Variants in ERO1A observed in about 807,000 individuals in gnomAD.
ERO1A encodes ERO1-like protein alpha.
Under a neutral mutation model 76.9 loss-of-function variants are expected in ERO1A, and 49 were observed. That is an observed-to-expected ratio of 0.64 (90% CI 0.51 to 0.81). The LOEUF (loss-of-function observed/expected upper bound fraction) is 0.81, where lower values mean the gene tolerates loss of function less well. Among genes scored for constraint, ERO1A ranks in the 30% least tolerant of loss-of-function variants. The pLI is 0.00. For synonymous variants in ERO1A, 174 were observed against 181.2 expected (o/e 0.96, Z 0.32); for missense variants, 448 against 542.1 (o/e 0.83, Z 1.72).
Position 52,683,791 on chromosome 14 carries a change from G to A in ERO1A, c.231C>T (p.Tyr77=). 7.2e-7 allele frequency: 1 copy of A among 1,386,994 alleles called. No homozygotes were observed. Among genetic ancestry groups the A allele is most frequent in the Non-Finnish European group, 9.8e-7 (1 of 1,018,916 alleles). The allele number at this position is 1,386,994 out of a possible 1,614,324, so 85.9% of individuals were successfully genotyped here. The change falls in exon 2 of 16, where the codon TAC becomes TAT. Residue 77 remains tyrosine (Y), a synonymous_variant. Transcript: ENST00000395686. ...AAAAAATTAAAATTAAAAATACCTTGTAATACCTAAAGTAGTCACTTTCAA... is the reference window on the plus strand; with the variant it reads ...AAAAAATTAAAATTAAAAATACCTTATAATACCTAAAGTAGTCACTTTCAA... ...KLLESDYFRY[Y]KVNLKRPCPF... is the part of the protein sequence containing the mutation.
intron 8 of ERO1A, among the ~76,000 whole-genome samples, chr14:52,662,302 T>C (rs2040257761): frequency 6.6e-6 from 1 of 152,210 alleles, no homozygotes; most frequent in African/African-American, 2.4e-5. Flanking sequence ...ATTAAATCAA[T>C]GGCTTCCACT....
In ERO1A at chr14:52,646,195, T is replaced by G. The variant is rs777575953; in HGVS notation, c.1305A>C (p.Leu435=). 6.2e-7 allele frequency: 1 copy of G among 1,613,588 alleles called. No homozygotes were observed. Among genetic ancestry groups the G allele is most frequent in the Non-Finnish European group, 8.5e-7 (1 of 1,179,690 alleles). The stretch of plus-strand genomic sequence containing the variant: ...ATAATGATACTATTTCTTGTCTGGT[T>G]AGATGGAATTCATAACTAGGTCCAC... ...PESGPSYEFH[L]TRQEIVSLFN... The change falls in exon 15 of 16, where the codon CTA becomes CTC. Residue 435 remains leucine, a synonymous_variant. Transcript: ENST00000395686.
At chr14:52,646,565 G>A in intron 13 of ERO1A, 104 bp from the exon 14 acceptor site, 1 of 785,532 alleles carries the variant, frequency 1.3e-6, no homozygotes. Context: ...AGGTACTATG[G>A]GGTACCAAAA....
In ERO1A at chr14:52,695,529, C is replaced by A. The variant is rs1226878706; in HGVS notation, c.-48G>T. The A allele has an allele frequency of 7.3e-7, 1 of 1,361,574 alleles. No homozygotes were observed. The highest frequency in any genetic ancestry group is 2.5e-5 in the Admixed American group (1 of 39,766). 84.3% of individuals were successfully genotyped at this position (1,361,574 alleles called of 1,614,324 possible). A position where few individuals can be genotyped will look rare whatever the true frequency, so the allele number is the denominator to read the frequency against. ...CCCACGCTTGGGAGGCCAGTCCGCA[C>A]GCTCGGTCGCGGGCCGTGCGCCCTC... On this transcript the variant is annotated 5_prime_UTR_variant, in exon 1 of 16. Coordinates refer to ENST00000395686, the MANE Select transcript of ERO1A (RefSeq NM_014584.3).
chr14:52,691,011 C>T (rs577950439), intron 1 of ERO1A, among the ~76,000 whole-genome samples: 46 of 152,284 alleles, frequency 3.0e-4, no homozygotes, highest in Non-Finnish European at 4.9e-4. Context: ...AGGTGATCCA[C>T]GTGCCTCAGC....
Position 52,641,754 on chromosome 14 carries a change from G to A in ERO1A, c.*1816C>T, listed in dbSNP as rs1438370306. The A allele has an allele frequency of 6.6e-6, 1 of 152,202 alleles. No homozygotes were observed. Among genetic ancestry groups the A allele is most frequent in the Non-Finnish European group, 1.5e-5 (1 of 68,050 alleles). 9.4% of individuals were successfully genotyped at this position (152,202 alleles called of 1,614,324 possible). A position where few individuals can be genotyped will look rare whatever the true frequency, so the allele number is the denominator to read the frequency against. ...AGTCTTTTGAGTCTCCAAGAGGATT[G>A]ACTTAATTAATGGTTTAATGTCTTT... On this transcript the variant is annotated 3_prime_UTR_variant, in exon 16 of 16. Coordinates refer to ENST00000395686, the MANE Select transcript of ERO1A (RefSeq NM_014584.3).
At position 52,640,770 on chromosome 14, in the gene ERO1A, A is replaced by ACTT. The variant is rs1016077065; in HGVS notation, c.*2797_*2799dup. The ACTT allele has an allele frequency of 6.6e-6, 1 of 152,182 alleles. No individual in the cohort carries two copies. The highest frequency in any genetic ancestry group is 2.4e-5 in the African/African-American group (1 of 41,440). The allele number at this position is 152,182 out of a possible 1,614,324, so 9.4% of individuals were successfully genotyped here. ...TGGAGGAGAGGAATGAGCCTAGAAA[A>ACTT]CTTAGAATATAATGGTTCTAAAATT... is the stretch of plus-strand genomic sequence containing the variant. On this transcript the variant is annotated 3_prime_UTR_variant, in exon 16 of 16. Coordinates refer to ENST00000395686, the MANE Select transcript of ERO1A (RefSeq NM_014584.3).
intron 1 of ERO1A, among the ~76,000 whole-genome samples, chr14:52,694,576 A>G (rs1020294569): frequency 1.3e-5 from 2 of 152,156 alleles, no homozygotes; most frequent in Non-Finnish European, 2.9e-5. Flanking sequence ...AGAGTCAACC[A>G]AAAAGTGGCT....
At chr14:52,689,606 C>T (rs2041289505) in intron 1 of ERO1A, among the ~76,000 whole-genome samples, 1 of 151,830 alleles carries the variant, frequency 6.6e-6, no homozygotes, top group Non-Finnish European at 1.5e-5. Flanking sequence ...ATGCTGAAAA[C>T]TATAAAGCAG....
intron 15 of ERO1A, among the ~76,000 whole-genome samples, chr14:52,645,549 A>G (rs1227260966): frequency 6.6e-6 from 1 of 151,868 alleles, no homozygotes; most frequent in Admixed American, 6.6e-5. Context: ...TGGCTTCTCA[A>G]AGTGCTAGGA....
intron 1 of ERO1A, among the ~76,000 whole-genome samples, chr14:52,684,405 T>C (rs1466364705): frequency 6.6e-6 from 1 of 152,130 alleles, no homozygotes; most frequent in African/African-American, 2.4e-5. Context: ...CAAAGCTTGA[T>C]TGTCCTCGGA....
At chr14:52,683,289 C>A (rs2041062151) in intron 2 of ERO1A, among the ~76,000 whole-genome samples, 2 of 147,896 alleles carry the variant, frequency 1.4e-5, no homozygotes, top group Admixed American at 1.3e-4. Flanking sequence ...GACTCACATT[C>A]TTTTCAAACA....
chr14:52,690,687 T>C (rs1403231322), intron 1 of ERO1A, among the ~76,000 whole-genome samples: 1 of 152,106 alleles, frequency 6.6e-6, no homozygotes, highest in Admixed American at 6.5e-5. Flanking sequence ...AGTGACAAAG[T>C]GAGACTCTGT....
intron 3 of ERO1A, among the ~76,000 whole-genome samples, chr14:52,681,440 C>T (rs1393299591): frequency 6.6e-6 from 1 of 151,716 alleles, no homozygotes; most frequent in Non-Finnish European, 1.5e-5. Flanking sequence ...CCCATCTCCA[C>T]TAAAAATACA....
chr14:52,691,269 T>C (rs1366091825), intron 1 of ERO1A, among the ~76,000 whole-genome samples: 2 of 152,182 alleles, frequency 1.3e-5, no homozygotes, highest in African/African-American at 4.8e-5. Flanking sequence ...AGCAGGGAAA[T>C]ACCAAAGATT....
intron 3 of ERO1A, among the ~76,000 whole-genome samples, chr14:52,680,351 G>T (rs1474886503): frequency 6.6e-6 from 1 of 152,032 alleles, no homozygotes; most frequent in Non-Finnish European, 1.5e-5. Flanking sequence ...TCAACTGATG[G>T]AATCAATAAG....
intron 11 of ERO1A, among the ~76,000 whole-genome samples, chr14:52,654,995 A>T (rs1182357991): frequency 5.9e-5 from 9 of 152,228 alleles, no homozygotes; most frequent in Non-Finnish European, 1.3e-4. Flanking sequence ...TTAAGATAAA[A>T]GGCAAACCTG....
intron 3 of ERO1A, among the ~76,000 whole-genome samples, chr14:52,681,341 C>T (rs932355969): frequency 6.6e-6 from 1 of 152,162 alleles, no homozygotes; most frequent in Non-Finnish European, 1.5e-5. Flanking sequence ...CACCTGTAAT[C>T]CCAGCACTTT....
intron 15 of ERO1A, among the ~76,000 whole-genome samples, chr14:52,645,845 AATACAC>A (rs1240901320): frequency 1.1e-5 from 1 of 87,810 alleles, no homozygotes; most frequent in Non-Finnish European, 2.2e-5. Flanking sequence ...TTCTACTAAA[AATACAC>A]ACACACACAC....
Sources: gnomAD v4.1 joint callset for allele counts (sites outside exome capture counted in the v4.1 genomes callset) on GRCh38, gnomAD v4.1.1 for gene constraint, MANE v1.5 for transcripts, NCBI Gene and HGNC (gene_info 2026-07-23, HGNC 2026-07-21) for gene names.